Variants in WDFY4 observed in about 807,000 individuals in gnomAD.
The protein encoded by WDFY4 is WD repeat- and FYVE domain-containing protein 4.
WDFY4 carries 169 observed loss-of-function variants against 351.9 expected under a neutral mutation model. That is an observed-to-expected ratio of 0.48 (90% CI 0.42 to 0.55). The LOEUF (loss-of-function observed/expected upper bound fraction) is 0.55. WDFY4 is among the 20% of genes least tolerant of loss of function. WDFY4 has a pLI of 0.00. For missense variants in WDFY4, 3,803 were observed against 3,935.6 expected (o/e 0.97, Z 0.90); for synonymous variants, 1,622 against 1,574.6 (o/e 1.03, Z -0.71).
intron 55 of WDFY4, chr10:48,968,803 G>T: frequency 2.1e-6 from 1 of 478,038 alleles, no homozygotes; most frequent in Non-Finnish European, 3.8e-6. Context: ...TCCCAGAGTG[G>T]AGCTGAGGGA....
chr10:48,755,148 G>T (rs2065298826), intron 12 of WDFY4, among the ~76,000 whole-genome samples: 2 of 152,062 alleles, frequency 1.3e-5, no homozygotes, highest in South Asian at 4.1e-4. Context: ...TGTCTTTCCA[G>T]AATACCATAT....
intron 41 of WDFY4, 41 bp downstream of exon 41, chr10:48,873,738 G>C: frequency 1.3e-6 from 2 of 1,541,514 alleles, no homozygotes; most frequent in South Asian, 2.4e-5. Flanking sequence ...GTTCCAGGTA[G>C]GGCCTGATAG....
intron 13 of WDFY4, among the ~76,000 whole-genome samples, chr10:48,765,597 A>C (rs566230727): frequency 1.6e-4 from 24 of 152,334 alleles, no homozygotes; most frequent in Non-Finnish European, 3.1e-4. Flanking sequence ...GGATATCAGT[A>C]GACCCATTTT....
intron 51 of WDFY4, among the ~76,000 whole-genome samples, chr10:48,949,895 G>A (rs979893499): frequency 3.9e-5 from 6 of 152,162 alleles, no homozygotes; most frequent in African/African-American, 1.4e-4. Context: ...TGAGATCAAG[G>A]AGGTGGGTAG....
chr10:48,802,302 G>A (rs899680438), intron 24 of WDFY4, among the ~76,000 whole-genome samples: 2 of 152,186 alleles, frequency 1.3e-5, no homozygotes, highest in African/African-American at 4.8e-5. Context: ...CTTGAGCCCA[G>A]GAAGTCAAGG....
At chr10:48,760,857 C>T (rs909758333) in intron 13 of WDFY4, among the ~76,000 whole-genome samples, 1 of 152,190 alleles carries the variant, frequency 6.6e-6, no homozygotes, top group Non-Finnish European at 1.5e-5. Flanking sequence ...AGCTCATGCA[C>T]AGCTAGCAAG....
At chr10:48,914,541 A>G (rs1481540014) in intron 47 of WDFY4, among the ~76,000 whole-genome samples, 1 of 151,982 alleles carries the variant, frequency 6.6e-6, no homozygotes, top group Non-Finnish European at 1.5e-5. Flanking sequence ...CGTACCCCCA[A>G]CCCAGAGCCA....
rs201494402 is a variant in WDFY4, at chr10:48,913,504, G to A, written c.7586+11641G>A. The A allele has an allele frequency of 1.3e-4, 209 of 1,613,726 alleles. No homozygotes were observed. The Admixed American group carries it at 1.3e-3, about 10-fold the overall frequency. ...TTCTTGATTCTATTCAGGTTGTCCC[G>A]GGCGTTTTGGCATTTTCTCAGGCAA... On this transcript the variant is annotated intron_variant, in intron 47 of 61. Coordinates refer to ENST00000325239, the MANE Select transcript of WDFY4 (RefSeq NM_001394531.1).
intron 25 of WDFY4, 113 bp from the exon 26 acceptor site, chr10:48,805,147 G>T: frequency 8.3e-7 from 1 of 1,211,892 alleles, no homozygotes; most frequent in Non-Finnish European, 1.1e-6. Flanking sequence ...AGAGAGCATT[G>T]GAGTTAAGGG....
At chr10:48,875,672 C>T (rs965342782) in intron 42 of WDFY4, among the ~76,000 whole-genome samples, 1 of 152,228 alleles carries the variant, frequency 6.6e-6, no homozygotes, top group Admixed American at 6.5e-5. Flanking sequence ...GCCTTGGCCT[C>T]CCAGAGTGCT....
intron 58 of WDFY4, among the ~76,000 whole-genome samples, chr10:48,975,562 GC>G (rs1490227718): frequency 1.3e-5 from 2 of 152,158 alleles, no homozygotes; most frequent in Non-Finnish European, 2.9e-5. Flanking sequence ...AACCTAAGGG[GC>G]CCAGGGCATA....
At position 48,693,751 on chromosome 10, in the gene WDFY4, A is replaced by G. The variant is rs1004402265; in HGVS notation, c.-18+8750A>G. Among the ~76,000 whole-genome samples, 9 of 150,298 alleles carry G rather than the reference A, an allele frequency of 6.0e-5. No individual in the cohort carries two copies. In the South Asian group the frequency reaches 8.5e-4, roughly 14 times the overall value. ...GAAGCCCCCACTTCTAGTGGCTAGC[A>G]GTATATTTCCTTGCTCTTCTCTTAG... On this transcript the variant is annotated intron_variant, in intron 1 of 61. Coordinates refer to ENST00000325239, the MANE Select transcript of WDFY4 (RefSeq NM_001394531.1).
intron 43 of WDFY4, among the ~76,000 whole-genome samples, 158 bp from the exon 44 acceptor site, chr10:48,890,421 G>A (rs574746389): frequency 6.6e-6 from 1 of 152,150 alleles, no homozygotes; most frequent in Non-Finnish European, 1.5e-5. Context: ...GCTGTGAAGA[G>A]CAGTACAGTC....
chr10:48,847,267 G>A (rs1451090953), intron 39 of WDFY4, among the ~76,000 whole-genome samples: 1 of 152,094 alleles, frequency 6.6e-6, no homozygotes, highest in Non-Finnish European at 1.5e-5. Context: ...CAGTCACGTA[G>A]GATTAGGGCC....
Position 48,820,418 on chromosome 10 carries a change from C to T in WDFY4, c.5690C>T (p.Pro1897Leu). The T allele has an allele frequency of 6.4e-7, 1 of 1,551,238 alleles. No homozygotes were observed. The stretch of plus-strand genomic sequence containing the variant: ...GCCTCCAGCCCCAAGCAGTGGCTGC[C>T]CCTGGAGGTGCTCCTGGAGGTGGGT... ...LGASSPKQWL[P>L]LEVLLEASPD... Residue 1897 changes from proline (P) to leucine (L), a missense_variant, in exon 33 of 62, where the codon CCC becomes CTC. Around this residue, in one of 3 missense-constraint regions of WDFY4, gnomAD observed 3,054 missense variants for 3,148.6 expected, o/e 0.97. Coordinates refer to ENST00000325239, the MANE Select transcript of WDFY4 (RefSeq NM_001394531.1).
At chr10:48,761,388 G>A (rs1453201085) in intron 13 of WDFY4, among the ~76,000 whole-genome samples, 3 of 152,198 alleles carry the variant, frequency 2.0e-5, no homozygotes, top group Non-Finnish European at 2.9e-5. Flanking sequence ...GGGAATGAGG[G>A]TTGAGAGGAA....
Position 48,723,528 on chromosome 10 carries a change from T to G in WDFY4, c.552T>G (p.Leu184=). The G allele has an allele frequency of 6.4e-7, 1 of 1,551,872 alleles. No homozygotes were observed. The highest frequency in any genetic ancestry group is 1.2e-5 in the South Asian group (1 of 84,044). ...TCTTTCCTCTGGACAAAGATGAGCTTCTTGAGAGTGATCTTCAAGTTCAAA... is the reference window on the plus strand; with the variant it reads ...TCTTTCCTCTGGACAAAGATGAGCTGCTTGAGAGTGATCTTCAAGTTCAAA... ...FFVFPLDKDE[L]LESDLQVQKM... Residue 184 remains leucine, a synonymous_variant, in exon 5 of 62, where the codon CTT becomes CTG. Coordinates refer to ENST00000325239, the MANE Select transcript of WDFY4 (RefSeq NM_001394531.1).
intron 57 of WDFY4, among the ~76,000 whole-genome samples, chr10:48,971,455 C>A (rs186274239): frequency 6.6e-6 from 1 of 151,032 alleles, no homozygotes; most frequent in East Asian, 1.9e-4. Flanking sequence ...GAGATTGCGC[C>A]ACTACACTCC....
In WDFY4 at chr10:48,780,140, T is replaced by C. The variant is rs1429106456; in HGVS notation, c.3576+21T>C. 3 of 1,551,148 alleles carry C rather than the reference T, an allele frequency of 1.9e-6. No homozygotes were observed. In the African/African-American group the frequency reaches 4.1e-5, roughly 21 times the overall value. On this transcript the variant is annotated intron_variant, in intron 19 of 61. Transcript: ENST00000325239. The stretch of plus-strand genomic sequence containing the variant: ...CCAAGGTGAGATGGCTCCTCCAAGC[T>C]GCACTTGCCCCACAACCATACCTCC...
Sources: allele counts gnomAD v4.1 joint callset (sites outside exome capture counted in the v4.1 genomes callset), GRCh38; gene constraint gnomAD v4.1.1; regional missense constraint gnomAD v4.1.1; transcripts MANE v1.5; gene names NCBI Gene and HGNC (gene_info 2026-07-23, HGNC 2026-07-21).